The following PLCB1 variants were observed in gnomAD, a reference collection of about 807,000 sequenced individuals.
PLCB1 encodes phospholipase C beta 1.
In PLCB1, 46 loss-of-function variants were observed where a neutral mutation model predicts 161.8. The observed-to-expected ratio is 0.28, with a 90% confidence interval of 0.22 to 0.36. The LOEUF (loss-of-function observed/expected upper bound fraction) is 0.36, where lower values mean the gene tolerates loss of function less well. Among genes scored for constraint, PLCB1 ranks in the 10% least tolerant of loss-of-function variants. The probability of loss-of-function intolerance (pLI) is 1.00; values close to 1 mark genes in which losing one functional copy is unlikely to be tolerated. For synonymous variants in PLCB1, 517 were observed against 503.7 expected (o/e 1.03, Z -0.35); for missense variants, 1,016 against 1,472.5 (o/e 0.69, Z 5.07).
At chr20:8,147,208 A>T (rs1352112296) in intron 1 of PLCB1, among the ~76,000 whole-genome samples, 1 of 152,200 alleles carries the variant, frequency 6.6e-6, no homozygotes, top group Non-Finnish European at 1.5e-5. Flanking sequence ...AGAGCTACTA[A>T]ATGAGGGACT....
chr20:8,412,956 CAAA>C (rs200920138), intron 3 of PLCB1, among the ~76,000 whole-genome samples: 2 of 100,832 alleles, frequency 2.0e-5, no homozygotes, highest in African/African-American at 3.5e-5. Flanking sequence ...CATCTGTGAC[CAAA>C]AAAAAAAAAA....
intron 31 of PLCB1, among the ~76,000 whole-genome samples, chr20:8,876,872 C>T (rs1987799451): frequency 6.6e-6 from 1 of 152,156 alleles, no homozygotes; most frequent in South Asian, 2.1e-4. Flanking sequence ...AGCAGAAGCA[C>T]ACAAGGCCTT....
At chr20:8,733,714 C>T (rs561294209) in intron 19 of PLCB1, among the ~76,000 whole-genome samples, 2 of 150,606 alleles carry the variant, frequency 1.3e-5, no homozygotes, top group South Asian at 4.2e-4. Flanking sequence ...GGGTGCAGCA[C>T]ACCAGCATGG....
rs745696858 is a variant in PLCB1, at chr20:8,274,557, G to T, written c.178-96825G>T. On this transcript the variant is annotated intron_variant, in intron 2 of 31. Coordinates refer to ENST00000338037, the MANE Select transcript of PLCB1 (RefSeq NM_015192.4). ...TGATTTCCATATTTCATTAGTACTA[G>T]CACTATATTTAAATAAGATCAATGT... is the stretch of plus-strand genomic sequence containing the variant. 3.8e-4 allele frequency among the ~76,000 whole-genome samples: 57 copies of T among 151,210 alleles called. 1 individual carries two copies. Among genetic ancestry groups the T allele is most frequent in the Non-Finnish European group, 7.1e-4 (48 of 67,880 alleles).
Position 8,688,089 on chromosome 20 carries a change from A to ATG in PLCB1, c.1009+3013_1009+3014dup, listed in dbSNP as rs1485024201. Among the ~76,000 whole-genome samples the ATG allele has an allele frequency of 3.3e-5, 5 of 152,224 alleles. No individual in the cohort carries two copies. In the East Asian group the frequency reaches 9.7e-4, roughly 29 times the overall value. On this transcript the variant is annotated intron_variant, in intron 10 of 31. Coordinates refer to ENST00000338037, the MANE Select transcript of PLCB1 (RefSeq NM_015192.4). ...ATTTGCATTTCCCTGATCATTAGTG[A>ATG]TGTTGAGCATTTTTTCATATGTGTG...
chr20:8,630,660 A>T lies in PLCB1; in HGVS notation c.384+2229A>T, dbSNP rs543044030. ...TCTAAGTGTTTGCAAAATATTTTTAAAATATGTTTCCCCAAATGAACTATA... is the reference window on the plus strand; with the variant it reads ...TCTAAGTGTTTGCAAAATATTTTTATAATATGTTTCCCCAAATGAACTATA... On this transcript the variant is annotated intron_variant, in intron 4 of 31. Coordinates refer to ENST00000338037, the MANE Select transcript of PLCB1 (RefSeq NM_015192.4). 3.3e-5 allele frequency among the ~76,000 whole-genome samples: 5 copies of T among 152,342 alleles called. No homozygotes were observed. The South Asian group carries it at 1.0e-3, about 32-fold the overall frequency.
intron 15 of PLCB1, among the ~76,000 whole-genome samples, chr20:8,724,105 T>C (rs770746668): frequency 2.7e-5 from 4 of 150,626 alleles, no homozygotes; most frequent in Non-Finnish European, 5.9e-5. Flanking sequence ...AAATAACTAA[T>C]GGATGCCAGG....
chr20:8,367,335 G>A (rs1006582820), intron 2 of PLCB1, among the ~76,000 whole-genome samples: 11 of 152,258 alleles, frequency 7.2e-5, no homozygotes, highest in African/African-American at 2.4e-4. Flanking sequence ...GACCAGCAAC[G>A]TCAGCATCAC....
chr20:8,291,458 C>T (rs1983379822), intron 2 of PLCB1, among the ~76,000 whole-genome samples: 2 of 152,196 alleles, frequency 1.3e-5, no homozygotes, highest in African/African-American at 4.8e-5. Flanking sequence ...CATGAAGCTA[C>T]TTGTGGAAGC....
At chr20:8,411,751 C>A (rs191788319) in intron 3 of PLCB1, among the ~76,000 whole-genome samples, 2 of 152,122 alleles carry the variant, frequency 1.3e-5, no homozygotes, top group African/African-American at 4.8e-5. Flanking sequence ...TGGCCGGGCA[C>A]GGTGGCTCAC....
At chr20:8,654,642 A>G (rs931581825) in intron 7 of PLCB1, among the ~76,000 whole-genome samples, 2 of 152,138 alleles carry the variant, frequency 1.3e-5, no homozygotes, top group African/African-American at 2.4e-5. Context: ...AAGTAGTGTC[A>G]TGTCTAGCTG....
intron 4 of PLCB1, among the ~76,000 whole-genome samples, chr20:8,628,814 A>C (rs1378971281): frequency 1.3e-5 from 2 of 151,986 alleles, no homozygotes; most frequent in Non-Finnish European, 2.9e-5. Context: ...GGCACCTCTA[A>C]TCCCAGCTAA....
chr20:8,484,959 C>G (rs1396641588), intron 3 of PLCB1, among the ~76,000 whole-genome samples: 3 of 152,130 alleles, frequency 2.0e-5, no homozygotes, highest in African/African-American at 7.2e-5. Context: ...TAGGAACTTG[C>G]TATGTGGCCT....
intron 2 of PLCB1, among the ~76,000 whole-genome samples, chr20:8,331,118 TAAAAC>T (rs1243994869): frequency 6.6e-6 from 1 of 152,176 alleles, no homozygotes; most frequent in African/African-American, 2.4e-5. Flanking sequence ...CTTTAGTTAA[TAAAAC>T]AAATAGACAA....
intron 3 of PLCB1, among the ~76,000 whole-genome samples, chr20:8,582,167 G>T (rs75894344): frequency 7.9e-4 from 121 of 152,270 alleles, no homozygotes; most frequent in Middle Eastern, 3.4e-3. Context: ...TGTGGGGATA[G>T]CCCAATGTAG....
intron 3 of PLCB1, among the ~76,000 whole-genome samples, chr20:8,420,064 T>A (rs1304126914): frequency 1.3e-5 from 2 of 152,208 alleles, no homozygotes; most frequent in African/African-American, 4.8e-5. Flanking sequence ...TGATTCTTGA[T>A]AGCTGTGAGG....
intron 9 of PLCB1, among the ~76,000 whole-genome samples, chr20:8,672,020 T>C (rs1023999466): frequency 4.6e-5 from 7 of 152,256 alleles, no homozygotes; most frequent in Admixed American, 6.5e-5. Context: ...TGATAATTAT[T>C]GTTATTTACC....
chr20:8,149,803 G>T (rs1182712493), intron 1 of PLCB1, among the ~76,000 whole-genome samples: 15 of 152,152 alleles, frequency 9.9e-5, no homozygotes, highest in Admixed American at 3.9e-4. Context: ...CAACAAGTTT[G>T]TATATATCTT....
chr20:8,343,250 T>C (rs1032156326), intron 2 of PLCB1, among the ~76,000 whole-genome samples: 16 of 152,220 alleles, frequency 1.1e-4, no homozygotes, highest in African/African-American at 3.9e-4. Flanking sequence ...GTGCCATTGG[T>C]CCACCAAATC....
Sources: gnomAD v4.1 joint callset for allele counts (sites outside exome capture counted in the v4.1 genomes callset) on GRCh38, gnomAD v4.1.1 for gene constraint, MANE v1.5 for transcripts, NCBI Gene and HGNC (gene_info 2026-07-23, HGNC 2026-07-21) for gene names.